The following APP variants were observed in gnomAD, a reference collection of about 807,000 sequenced individuals.
APP encodes the protein amyloid beta precursor protein.
In APP, 31 loss-of-function variants were observed where a neutral mutation model predicts 101.4. The observed-to-expected ratio is 0.31, with a 90% CI of 0.23 to 0.41. The LOEUF is 0.41. APP is among the 10% of genes least tolerant of loss of function. The pLI, the probability that APP is intolerant of heterozygous loss-of-function variation, is 1.00. For missense variants in APP, 839 were observed against 1,003.7 expected (o/e 0.84, Z 2.22); for synonymous variants, 366 against 364.4 (o/e 1.00, Z -0.05).
At chr21:26,037,397 T>C (rs976015416) in intron 5 of APP, among the ~76,000 whole-genome samples, 10 of 152,314 alleles carry the variant, frequency 6.6e-5, no homozygotes, top group Admixed American at 1.3e-4. Flanking sequence ...AAAGAAATGA[T>C]ACATGCCTGA....
At chr21:26,084,523 G>GC (rs36104734) in intron 3 of APP, among the ~76,000 whole-genome samples, 152,235 of 152,328 alleles carry the variant, frequency 1, 76,072 homozygotes, top group Middle Eastern at 1. Flanking sequence ...ACAGGCGTGA[G>GC]CACCGCGCCC....
chr21:25,933,435 G>C (rs2040231498), intron 13 of APP, among the ~76,000 whole-genome samples: 1 of 152,086 alleles, frequency 6.6e-6, no homozygotes, highest in Non-Finnish European at 1.5e-5. Flanking sequence ...TTCAAATTAG[G>C]TTCTCCTAGC....
chr21:26,128,914 TAAAC>T (rs1329012044), intron 1 of APP, among the ~76,000 whole-genome samples: 2 of 151,992 alleles, frequency 1.3e-5, no homozygotes, highest in South Asian at 2.1e-4. Flanking sequence ...TGAAACAAAA[TAAAC>T]AAAACCAAAA....
intron 1 of APP, among the ~76,000 whole-genome samples, chr21:26,127,970 C>G (rs1273799731): frequency 6.6e-6 from 1 of 152,176 alleles, no homozygotes; most frequent in Non-Finnish European, 1.5e-5. Flanking sequence ...CGAGCTATCC[C>G]TACAAAGATA....
At chr21:26,110,424 C>T (rs897558740) in intron 2 of APP, among the ~76,000 whole-genome samples, 16 of 151,778 alleles carry the variant, frequency 1.1e-4, no homozygotes, top group African/African-American at 3.4e-4. Flanking sequence ...CCATCCTGGG[C>T]GACAGAGCAA....
At chr21:25,961,585 G>C (rs990660928) in intron 11 of APP, among the ~76,000 whole-genome samples, 5 of 152,048 alleles carry the variant, frequency 3.3e-5, no homozygotes, top group Non-Finnish European at 7.4e-5. Flanking sequence ...AAATCCTCCA[G>C]GCTTAACATT....
At chr21:25,943,114 T>C (rs957719107) in intron 13 of APP, 3 of 152,192 alleles carry the variant, frequency 2.0e-5, no homozygotes, top group Admixed American at 6.5e-5. Flanking sequence ...TCTTTAATCA[T>C]TCTAATTTTA....
intron 13 of APP, among the ~76,000 whole-genome samples, chr21:25,921,291 T>C (rs2039626849): frequency 9.4e-6 from 1 of 106,452 alleles, no homozygotes; most frequent in Non-Finnish European, 1.9e-5. Flanking sequence ...GATCCAAAAT[T>C]GACACCCTAA....
chr21:25,967,817 T>C (rs1439986475), intron 11 of APP, among the ~76,000 whole-genome samples: 3 of 152,194 alleles, frequency 2.0e-5, no homozygotes, highest in Admixed American at 6.5e-5. Context: ...AGTGCATGAC[T>C]GTAGAGGGCA....
chr21:26,045,704 T>C (rs1233366826), intron 5 of APP, among the ~76,000 whole-genome samples: 4 of 152,176 alleles, frequency 2.6e-5, no homozygotes, highest in Non-Finnish European at 5.9e-5. Flanking sequence ...TCTTGCCATA[T>C]GTGACACTCC....
intron 1 of APP, among the ~76,000 whole-genome samples, chr21:26,134,246 A>G (rs1002672516): frequency 2.0e-5 from 3 of 152,070 alleles, no homozygotes; most frequent in Non-Finnish European, 4.4e-5. Context: ...CCTCTAATTC[A>G]ACTGGATTCT....
intron 6 of APP, among the ~76,000 whole-genome samples, chr21:26,004,143 T>C (rs1005916908): frequency 6.6e-6 from 1 of 152,172 alleles, no homozygotes; most frequent in Non-Finnish European, 1.5e-5. Flanking sequence ...AAATGGCCAG[T>C]GCCTCTCAGA....
intron 1 of APP, among the ~76,000 whole-genome samples, chr21:26,142,560 G>C (rs1029486090): frequency 1.3e-5 from 2 of 152,116 alleles, no homozygotes; most frequent in African/African-American, 4.8e-5. Flanking sequence ...CCTGAGGCCA[G>C]GAGTTCAAGA....
At position 25,886,171 on chromosome 21, in the gene APP, G is replaced by A. The variant is rs549779710; in HGVS notation, c.2212-4400C>T. On this transcript the variant is annotated intron_variant, in intron 17 of 17. Coordinates refer to ENST00000346798, the MANE Select transcript of APP (RefSeq NM_000484.4). Reference sequence around the variant, plus strand: ...CACATCAAAGGAGCCACAAGTCTGCGGAAAAAAAAAATAAAAGCAAAGAAA... The same window carrying A: ...CACATCAAAGGAGCCACAAGTCTGCAGAAAAAAAAAATAAAAGCAAAGAAA... Among the ~76,000 whole-genome samples, 317 of 151,198 alleles carry A rather than the reference G, an allele frequency of 2.1e-3. 3 individuals carry two copies. Among genetic ancestry groups the A allele is most frequent in the African/African-American group, 7.4e-3 (306 of 41,206 alleles).
chr21:25,891,573 C>T (rs1166551527), intron 17 of APP, 149 bp downstream of exon 17: 2 of 817,192 alleles, frequency 2.4e-6, no homozygotes, highest in East Asian at 2.6e-5. Flanking sequence ...AAAACCAAAA[C>T]AAGAAAGAAC....
intron 11 of APP, among the ~76,000 whole-genome samples, chr21:25,970,942 T>C (rs533608373): frequency 7.2e-5 from 11 of 152,208 alleles, no homozygotes; most frequent in African/African-American, 1.4e-4. Flanking sequence ...TCTGGTTAAG[T>C]TGCATAAAAT....
intron 17 of APP, among the ~76,000 whole-genome samples, chr21:25,884,360 C>T (rs1338210198): frequency 2.6e-5 from 4 of 152,170 alleles, no homozygotes; most frequent in African/African-American, 9.7e-5. Flanking sequence ...TGACCAAGGC[C>T]AGTACTCAGA....
At chr21:26,004,275 CTTTTTTTTT>C (rs71183538) in intron 6 of APP, among the ~76,000 whole-genome samples, 1 of 72,796 alleles carries the variant, frequency 1.4e-5, no homozygotes. Flanking sequence ...TGTATTAATT[CTTTTTTTTT>C]TTTTTTTTTT....
chr21:25,949,451 T>C (rs1213854053), intron 13 of APP, among the ~76,000 whole-genome samples: 1 of 152,236 alleles, frequency 6.6e-6, no homozygotes, highest in African/African-American at 2.4e-5. Context: ...TAGAGGATGC[T>C]GTGGCCTAGG....
Sources: gnomAD v4.1 joint callset for allele counts (sites outside exome capture counted in the v4.1 genomes callset) on GRCh38, gnomAD v4.1.1 for gene constraint, MANE v1.5 for transcripts, NCBI Gene and HGNC (gene_info 2026-07-23, HGNC 2026-07-21) for gene names.